Variants in REL observed in about 807,000 individuals in gnomAD.
REL encodes proto-oncogene c-Rel.
A neutral mutation model predicts 45.9 loss-of-function variants in REL; 15 were observed. The ratio of observed to expected loss-of-function variants is 0.33; its 90% CI spans 0.22 to 0.50. The LOEUF (loss-of-function observed/expected upper bound fraction) is 0.50. Ranked by LOEUF, REL falls within the 20% of genes least tolerant of loss-of-function variation. REL has a pLI of 0.98. For synonymous variants in REL, 239 were observed against 242.1 expected, an observed-to-expected ratio of 0.99 and a Z score of 0.12; for missense variants, 601 against 715.2, an observed-to-expected ratio of 0.84 and a Z score of 1.82.
chr2:60,884,418 T>C (rs1673022031), intron 1 of REL, among the ~76,000 whole-genome samples: 1 of 152,082 alleles, frequency 6.6e-6, no homozygotes, highest in Non-Finnish European at 1.5e-5. Flanking sequence ...ATTTCACAGC[T>C]TGTATTAAGC....
At position 60,907,913 on chromosome 2, in the gene REL, C is replaced by T. The variant is rs865855380; in HGVS notation, c.394+6830C>T. Among the ~76,000 whole-genome samples the T allele has an allele frequency of 2.2e-4, 34 of 151,774 alleles. No homozygotes were observed. In the Middle Eastern group the frequency reaches 0.017, roughly 76 times the overall value. On this transcript the variant is annotated intron_variant, in intron 4 of 9. Coordinates refer to ENST00000394479, the MANE Select transcript of REL (RefSeq NM_001291746.2). Reference sequence around the variant, plus strand: ...TCCACCGTGTTAGCCAGGATGGCCTCGGTCTCCTGATCTCGTGTTCCGTCC... The same window carrying T: ...TCCACCGTGTTAGCCAGGATGGCCTTGGTCTCCTGATCTCGTGTTCCGTCC...
rs567446104 is a variant in REL, at chr2:60,930,663, A to G, written c.*8128A>G. The G allele has an allele frequency of 7.1e-6, 1 of 140,804 alleles. No homozygotes were observed. The highest frequency in any genetic ancestry group is 7.0e-5 in the Admixed American group (1 of 14,246). The allele number at this position is 140,804 out of a possible 1,614,324, so 8.7% of individuals were successfully genotyped here. A position where few individuals can be genotyped will look rare whatever the true frequency, so the allele number is the denominator to read the frequency against. ...GCACAGACAAAACCACTCATGCCCT[A>G]TTAATAAACAAAATACAGATCAAAG... is the stretch of plus-strand genomic sequence containing the variant. On this transcript the variant is annotated 3_prime_UTR_variant, in exon 10 of 10. Transcript: ENST00000394479.
intron 5 of REL, among the ~76,000 whole-genome samples, chr2:60,917,257 T>C (rs1421294082): frequency 1.3e-5 from 2 of 152,180 alleles, no homozygotes; most frequent in Non-Finnish European, 2.9e-5. Flanking sequence ...TACATTGTCA[T>C]CATCATCATT....
Position 60,921,917 on chromosome 2 carries a change from A to G in REL, c.1146A>G (p.Ser382=), listed in dbSNP as rs1674151296. 3.7e-6 allele frequency: 6 copies of G among 1,613,992 alleles called. No individual in the cohort carries two copies. Among genetic ancestry groups the G allele is most frequent in the African/African-American group, 1.3e-5 (1 of 74,908 alleles). Residue 382 remains serine (S), a synonymous_variant, in exon 10 of 10, where the codon TCA becomes TCG. Coordinates refer to ENST00000394479, the MANE Select transcript of REL (RefSeq NM_001291746.2). ...MAPLPSSSWS[S]VAHPTPRSGN... is the part of the protein sequence containing the mutation. ...CTCTGCCTTCTTCAAGCTGGTCATC[A>G]GTGGCCCACCCCACCCCACGCTCAG... is the stretch of plus-strand genomic sequence containing the variant.
intron 3 of REL, among the ~76,000 whole-genome samples, chr2:60,894,751 G>T (rs1673305749): frequency 6.6e-6 from 1 of 151,880 alleles, no homozygotes; most frequent in South Asian, 2.1e-4. Context: ...TAGTTAGCAG[G>T]AAGACATTTT....
At chr2:60,894,666 G>A (rs1396646258) in intron 3 of REL, 121 bp downstream of exon 3, 2 of 698,958 alleles carry the variant, frequency 2.9e-6, no homozygotes, top group African/African-American at 1.8e-5. Flanking sequence ...TCTATTTACT[G>A]TATTTTACAC....
In REL at chr2:60,931,546, T is replaced by C. The variant is rs749776207; in HGVS notation, c.*9011T>C. Reference sequence around the variant, plus strand: ...GCTGTTTATTATACAGAATATTTTATTACATTTGCAATATCTTTGTATATA... The same window carrying C: ...GCTGTTTATTATACAGAATATTTTACTACATTTGCAATATCTTTGTATATA... On this transcript the variant is annotated 3_prime_UTR_variant, in exon 10 of 10. Transcript: ENST00000394479. The C allele has an allele frequency of 6.6e-6, 1 of 152,314 alleles. No homozygotes were observed. The highest frequency in any genetic ancestry group is 2.4e-5 in the African/African-American group (1 of 41,466). 9.4% of individuals were successfully genotyped at this position (152,314 alleles called of 1,614,324 possible). A position where few individuals can be genotyped will look rare whatever the true frequency, so the allele number is the denominator to read the frequency against.
At chr2:60,913,578 C>G (rs559243122) in intron 4 of REL, among the ~76,000 whole-genome samples, 2 of 152,146 alleles carry the variant, frequency 1.3e-5, no homozygotes, top group Non-Finnish European at 2.9e-5. Context: ...TATCAGATCC[C>G]ACATCCTTGG....
intron 1 of REL, among the ~76,000 whole-genome samples, chr2:60,886,101 A>G (rs1673064680): frequency 6.6e-6 from 1 of 152,198 alleles, no homozygotes; most frequent in South Asian, 2.1e-4. Flanking sequence ...TGTTGCTTCC[A>G]CTTCATGTTT....
chr2:60,927,975 C>T lies in REL; in HGVS notation c.*5440C>T. The T allele has an allele frequency of 4.7e-6, 1 of 211,946 alleles. No individual in the cohort carries two copies. The highest frequency in any genetic ancestry group is 9.6e-6 in the Non-Finnish European group (1 of 104,602). The allele number at this position is 211,946 out of a possible 1,614,324, so 13.1% of individuals were successfully genotyped here. ...AAACAGCTGGGTTGTCAACGTCTAACCTAATACTTCAGGAAAACTCATGAT... is the reference window on the plus strand; with the variant it reads ...AAACAGCTGGGTTGTCAACGTCTAATCTAATACTTCAGGAAAACTCATGAT... On this transcript the variant is annotated 3_prime_UTR_variant, in exon 10 of 10. Coordinates refer to ENST00000394479, the MANE Select transcript of REL (RefSeq NM_001291746.2).
chr2:60,882,800 A>T (rs933118519), intron 1 of REL, among the ~76,000 whole-genome samples: 10 of 152,242 alleles, frequency 6.6e-5, no homozygotes, highest in Non-Finnish European at 1.5e-5. Context: ...GAGTTTTAGA[A>T]TATCCGAGCT....
chr2:60,911,718 A>G (rs1320387933), intron 4 of REL, among the ~76,000 whole-genome samples: 1 of 151,974 alleles, frequency 6.6e-6, no homozygotes, highest in Admixed American at 6.6e-5. Flanking sequence ...TCATTTTCCC[A>G]GGCCGGGCGT....
At chr2:60,905,784 T>C (rs145882064) in intron 4 of REL, among the ~76,000 whole-genome samples, 42 of 152,180 alleles carry the variant, frequency 2.8e-4, no homozygotes, top group African/African-American at 8.4e-4. Flanking sequence ...GAAAGACAGG[T>C]GTGCTGGGAA....
chr2:60,910,669 C>A (rs184949219), intron 4 of REL, among the ~76,000 whole-genome samples: 1 of 152,258 alleles, frequency 6.6e-6, no homozygotes, highest in East Asian at 1.9e-4. Flanking sequence ...CACGGCCACT[C>A]ACACCTGTAA....
intron 3 of REL, among the ~76,000 whole-genome samples, chr2:60,897,237 CTTTCTTTGAGCACT>C (rs746151997): frequency 2.6e-5 from 4 of 151,280 alleles, no homozygotes; most frequent in Non-Finnish European, 5.9e-5. Flanking sequence ...ATGCCGTCAT[CTTTCTTTGAGCACT>C]TTTTTACTTT....
At chr2:60,905,206 T>C (rs1573329884) in intron 4 of REL, among the ~76,000 whole-genome samples, 1 of 152,214 alleles carries the variant, frequency 6.6e-6, no homozygotes, top group South Asian at 2.1e-4. Context: ...ACCATTCTCC[T>C]GCCTCAGCCT....
chr2:60,908,022 A>G (rs1296016656), intron 4 of REL, among the ~76,000 whole-genome samples: 1 of 151,928 alleles, frequency 6.6e-6, no homozygotes, highest in Non-Finnish European at 1.5e-5. Context: ...AAAATATCAC[A>G]GTTGTTTTCC....
At chr2:60,920,529 AT>A in intron 8 of REL, 44 bp from the exon 9 acceptor site, 1 of 1,417,310 alleles carries the variant, frequency 7.1e-7, no homozygotes, top group Non-Finnish European at 1.0e-6. Context: ...TGATAATGTT[AT>A]TTTTCAAATG....
In REL at chr2:60,918,597, G is replaced by C; in HGVS notation, c.844G>C (p.Asp282His). Residue 282 changes from aspartate (D) to histidine (H), a missense_variant, in exon 7 of 10, where the codon GAT (aspartate) becomes CAT (histidine). By Grantham distance (81) the Asp-to-His change is moderately conservative (BLOSUM62 -1). Around this residue, in one of 4 missense-constraint regions of REL, gnomAD observed 241 missense variants for 347.0 expected, o/e 0.69. Coordinates refer to ENST00000394479, the MANE Select transcript of REL (RefSeq NM_001291746.2). ...ATCTATGGATTTTAGATATCTGCCAGATGAAAAAGGTATGACATTTTGCTG... is the reference window on the plus strand; with the variant it reads ...ATCTATGGATTTTAGATATCTGCCACATGAAAAAGGTATGACATTTTGCTG... ...SESMDFRYLP[D>H]EKDTYGNKAK... 1 of 1,609,296 alleles carries C rather than the reference G, an allele frequency of 6.2e-7. No homozygotes were observed. Among genetic ancestry groups the C allele is most frequent in the South Asian group, 1.1e-5 (1 of 90,906 alleles).
Sources: gnomAD v4.1 joint callset for allele counts (sites outside exome capture counted in the v4.1 genomes callset) on GRCh38, gnomAD v4.1.1 for gene constraint, gnomAD v4.1.1 regional missense constraint, MANE v1.5 for transcripts, NCBI Gene and HGNC (gene_info 2026-07-23, HGNC 2026-07-21) for gene names.